Variants in SOX5 observed in about 807,000 individuals in gnomAD.
SOX5 encodes transcription factor SOX-5.
SOX5 carries 9 observed loss-of-function variants against 92.0 expected under a neutral mutation model. The observed-to-expected ratio is 0.10, with a 90% CI of 0.06 to 0.17. SOX5 has a LOEUF of 0.17. SOX5 is among the 10% of genes least tolerant of loss of function. SOX5 has a pLI of 1.00. For synonymous variants in SOX5, 344 were observed against 336.3 expected, an observed-to-expected ratio of 1.02 and a Z score of -0.25; for missense variants, 642 against 944.5, an observed-to-expected ratio of 0.68 and a Z score of 4.20.
At chr12:24,186,105 C>A (rs1284336416) in intron 4 of SOX5, among the ~76,000 whole-genome samples, 1 of 151,910 alleles carries the variant, frequency 6.6e-6, no homozygotes, top group Non-Finnish European at 1.5e-5. Flanking sequence ...GAGAATTTAA[C>A]CTTATCTTTA....
intron 3 of SOX5, among the ~76,000 whole-genome samples, chr12:23,813,739 T>C (rs904241101): frequency 1.3e-5 from 2 of 152,208 alleles, no homozygotes; most frequent in African/African-American, 4.8e-5. Context: ...AGGAAGTTCA[T>C]AATTTCTGAG....
chr12:24,158,371 C>A (rs1267277272), intron 4 of SOX5, among the ~76,000 whole-genome samples: 1 of 151,758 alleles, frequency 6.6e-6, no homozygotes, highest in Non-Finnish European at 1.5e-5. Context: ...AAAATAAATA[C>A]GACTGAATTA....
At chr12:24,292,054 G>C (rs1324198141) in intron 2 of SOX5, among the ~76,000 whole-genome samples, 1 of 152,252 alleles carries the variant, frequency 6.6e-6, no homozygotes, top group Non-Finnish European at 1.5e-5. Context: ...TGACAGGCTT[G>C]ACAAAGGAAT....
At chr12:24,391,722 C>G (rs147518662) in intron 1 of SOX5, among the ~76,000 whole-genome samples, 1 of 152,054 alleles carries the variant, frequency 6.6e-6, no homozygotes, top group Non-Finnish European at 1.5e-5. Context: ...CTTTGAGAAC[C>G]CATACTGGCT....
Position 24,451,847 on chromosome 12 carries a change from G to A in SOX5, c.-250-83208C>T, listed in dbSNP as rs901120617. 1.4e-4 allele frequency among the ~76,000 whole-genome samples: 21 copies of A among 152,188 alleles called. 1 individual carries two copies. The highest frequency in any genetic ancestry group is 2.5e-4 in the Non-Finnish European group (17 of 68,030). On this transcript the variant is annotated intron_variant, in intron 1 of 4. Transcript: ENST00000446891. ...ATAAGAATGGCATGATGCCTGGGAC[G>A]CTGTAGCTACTCTAGGAATTATAGA...
At chr12:24,062,908 C>T (rs1249711849) in intron 4 of SOX5, among the ~76,000 whole-genome samples, 2 of 152,172 alleles carry the variant, frequency 1.3e-5, no homozygotes, top group Non-Finnish European at 2.9e-5. Flanking sequence ...CTAACAACAA[C>T]TCCTGGGAAC....
intron 2 of SOX5, among the ~76,000 whole-genome samples, chr12:23,886,523 A>G (rs1443371019): frequency 1.3e-5 from 2 of 151,820 alleles, no homozygotes; most frequent in Non-Finnish European, 2.9e-5. Flanking sequence ...GCACCAACAT[A>G]CTGCAAGATT....
At chr12:23,657,288 T>C (rs2139209858) in intron 7 of SOX5, among the ~76,000 whole-genome samples, 1 of 152,276 alleles carries the variant, frequency 6.6e-6, no homozygotes, top group African/African-American at 2.4e-5. Context: ...TAAAAAATAT[T>C]CTTTCATCAT....
intron 4 of SOX5, among the ~76,000 whole-genome samples, chr12:24,094,810 C>A (rs895658456): frequency 2.0e-5 from 3 of 152,098 alleles, no homozygotes; most frequent in Non-Finnish European, 2.9e-5. Context: ...TCTGGACTCT[C>A]AATTCTTCCC....
rs374735776 is a variant in SOX5 at position 24,204,344 on chromosome 12, T to C, written c.-2+8999A>G. On this transcript the variant is annotated intron_variant, in intron 4 of 4. Coordinates refer to the SOX5 transcript ENST00000446891. The stretch of plus-strand genomic sequence containing the variant: ...TTATTATTAATTATTATTATTATTA[T>C]TTGAGATGGACTTCCACTCTGTCGC... 5.6e-3 allele frequency among the ~76,000 whole-genome samples: 856 copies of C among 151,528 alleles called. 9 individuals are homozygous for C. Among genetic ancestry groups the C allele is most frequent in the African/African-American group, 0.02 (812 of 41,376 alleles).
At chr12:24,326,665 T>C (rs1187938856) in intron 2 of SOX5, among the ~76,000 whole-genome samples, 1 of 152,290 alleles carries the variant, frequency 6.6e-6, no homozygotes, top group East Asian at 1.9e-4. Context: ...GTATGACTCC[T>C]GCCCTCACCT....
chr12:24,196,063 T>C (rs1020785831), intron 4 of SOX5, among the ~76,000 whole-genome samples: 10 of 152,352 alleles, frequency 6.6e-5, no homozygotes, highest in Admixed American at 2.6e-4. Context: ...TTTTGTATTT[T>C]TAGTAGAGAT....
chr12:24,265,356 A>G (rs941766942), intron 3 of SOX5, among the ~76,000 whole-genome samples: 4 of 152,160 alleles, frequency 2.6e-5, no homozygotes, highest in Non-Finnish European at 5.9e-5. Flanking sequence ...AGCCTAGGCA[A>G]CATGGCAACA....
chr12:24,464,747 T>A lies in SOX5; in HGVS notation c.-250-96108A>T, dbSNP rs534350511. Among the ~76,000 whole-genome samples the A allele has an allele frequency of 2.2e-4, 34 of 152,340 alleles. 2 individuals carry two copies. Among genetic ancestry groups the A allele is most frequent in the African/African-American group, 7.9e-4 (33 of 41,576 alleles). The stretch of plus-strand genomic sequence containing the variant: ...AGATAGAAACTAATAGTAGCCCCAC[T>A]TTCCAGATGAGGAAACTCAGGTATA... On this transcript the variant is annotated intron_variant, in intron 1 of 4. Coordinates refer to the SOX5 transcript ENST00000446891.
intron 4 of SOX5, among the ~76,000 whole-genome samples, chr12:24,085,015 C>T (rs751481732): frequency 2.0e-5 from 3 of 152,050 alleles, no homozygotes; most frequent in African/African-American, 4.8e-5. Context: ...CATACTCTCA[C>T]AATGATTATG....
chr12:23,930,370 C>G (rs1446386979), intron 1 of SOX5, among the ~76,000 whole-genome samples: 1 of 151,656 alleles, frequency 6.6e-6, no homozygotes, highest in African/African-American at 2.4e-5. Context: ...GTTTGATATT[C>G]AGACTTGTGT....
At position 23,534,499 on chromosome 12, in the gene SOX5, G is replaced by A. The variant is rs1158061524; in HGVS notation, c.2012C>T (p.Ala671Val). Residue 671 changes from alanine to valine, a missense_variant, in exon 15 of 15, where the codon GCC (alanine) becomes GTC (valine). By Grantham distance (64) the Ala-to-Val change is moderately conservative. Transcript: ENST00000451604. The part of the protein sequence containing the change: ...NVGQQAQIPI[A>V]TAGVVYPGAI... ...TCCAGGGTACACAACACCAGCAGTG[G>A]CAATGGGGATCTGTGCTTGTTGCCT... 4.3e-6 allele frequency: 7 copies of A among 1,613,116 alleles called. No individual in the cohort carries two copies. The South Asian group carries it at 7.7e-5, about 18-fold the overall frequency.
intron 1 of SOX5, among the ~76,000 whole-genome samples, chr12:23,949,034 G>A (rs1379111486): frequency 6.6e-6 from 1 of 151,906 alleles, no homozygotes; most frequent in Non-Finnish European, 1.5e-5. Flanking sequence ...TCTTTGGGGG[G>A]AAAAAACGCT....
At chr12:24,248,665 G>A (rs1224734238) in intron 3 of SOX5, among the ~76,000 whole-genome samples, 1 of 152,182 alleles carries the variant, frequency 6.6e-6, no homozygotes, top group Non-Finnish European at 1.5e-5. Flanking sequence ...GATTACGGGT[G>A]TAAGTCACTG....
Sources: allele counts gnomAD v4.1 joint callset (sites outside exome capture counted in the v4.1 genomes callset), GRCh38; gene constraint gnomAD v4.1.1; transcripts MANE v1.5; gene names NCBI Gene and HGNC (gene_info 2026-07-23, HGNC 2026-07-21).